The following SCN9A variants were observed in gnomAD, a reference collection of about 807,000 sequenced individuals.
The protein encoded by SCN9A is sodium voltage-gated channel alpha subunit 9.
A neutral mutation model predicts 187.0 loss-of-function variants in SCN9A; 131 were observed. That is an observed-to-expected ratio of 0.70 (90% CI 0.61 to 0.81). The LOEUF is 0.81. Ranked by LOEUF, SCN9A falls within the 30% of genes least tolerant of loss-of-function variation. The probability of loss-of-function intolerance (pLI) is 0.00; values close to 1 mark genes in which losing one functional copy is unlikely to be tolerated. For synonymous variants in SCN9A, 809 were observed against 808.6 expected (o/e 1.00, Z -0.01); for missense variants, 2,252 against 2,396.6 (o/e 0.94, Z 1.26).
intron 1 of SCN9A, among the ~76,000 whole-genome samples, chr2:166,320,697 A>T (rs1699216725): frequency 6.6e-6 from 1 of 152,172 alleles, no homozygotes; most frequent in South Asian, 2.1e-4. Flanking sequence ...GCATTACATG[A>T]TACTTAATAC....
chr2:166,291,357 A>G (rs1381896401), intron 9 of SCN9A, among the ~76,000 whole-genome samples: 1 of 152,150 alleles, frequency 6.6e-6, no homozygotes. Flanking sequence ...ATACCTAGGA[A>G]TACAGCTTAC....
chr2:166,282,511 A>T (rs114795891), intron 12 of SCN9A, among the ~76,000 whole-genome samples: 2,900 of 150,494 alleles, frequency 0.019, 114 homozygotes, highest in Admixed American at 0.1. Flanking sequence ...TTATTTTTAA[A>T]ACTTGGAAAC....
At chr2:166,337,339 C>T (rs1233475362) in intron 1 of SCN9A, among the ~76,000 whole-genome samples, 3 of 151,944 alleles carry the variant, frequency 2.0e-5, no homozygotes. Flanking sequence ...TTTTGGACAT[C>T]CTGTGTTTGA....
intron 20 of SCN9A, among the ~76,000 whole-genome samples, chr2:166,235,677 A>C (rs1438804280): frequency 6.7e-6 from 1 of 149,842 alleles, no homozygotes; most frequent in Non-Finnish European, 1.5e-5. Context: ...TATACTTTTC[A>C]GAAAAAAAAA....
chr2:166,305,950 A>T, intron 4 of SCN9A, 30 bp from the exon 5 acceptor site: 1 of 1,609,358 alleles, frequency 6.2e-7, no homozygotes, highest in Non-Finnish European at 8.5e-7. Context: ...GGGATACTAG[A>T]TGTGAAAAGA....
intron 14 of SCN9A, among the ~76,000 whole-genome samples, chr2:166,279,884 G>A (rs570735495): frequency 5.8e-4 from 88 of 151,984 alleles, no homozygotes; most frequent in Admixed American, 1.8e-3. Flanking sequence ...ATTTGTCCAA[G>A]GGCATATCAC....
chr2:166,280,859 C>T (rs1697453391), intron 13 of SCN9A, among the ~76,000 whole-genome samples: 1 of 152,130 alleles, frequency 6.6e-6, no homozygotes, highest in African/African-American at 2.4e-5. Context: ...GAGAAAAATG[C>T]ACCTAACATG....
rs1352914328 is a variant in SCN9A, at chr2:166,238,271, T to A, written c.3628-4A>T. On this transcript the variant is annotated splice_polypyrimidine_tract_variant and splice_region_variant and intron_variant, in intron 19 of 26. Coordinates refer to ENST00000642356, the MANE Select transcript of SCN9A (RefSeq NM_001365536.1). ...CAATATAAATATCTTCAAAAGCCTG[T>A]GGAAATAATATTCAAGTTTCAATCA... 6.5e-7 allele frequency: 1 copy of A among 1,532,452 alleles called. No homozygotes were observed. The highest frequency in any genetic ancestry group is 8.8e-7 in the Non-Finnish European group (1 of 1,137,766). 94.9% of individuals were successfully genotyped at this position (1,532,452 alleles called of 1,614,324 possible).
At chr2:166,201,356 G>A (rs530047007) in intron 26 of SCN9A, among the ~76,000 whole-genome samples, 7 of 147,084 alleles carry the variant, frequency 4.8e-5, no homozygotes, top group African/African-American at 1.7e-4. Context: ...TGTATATATA[G>A]CATATAGTAT....
At position 166,293,275 on chromosome 2, in the gene SCN9A, A is replaced by G; in HGVS notation, c.1063T>C (p.Phe355Leu). 1 of 1,595,824 alleles carries G rather than the reference A, an allele frequency of 6.3e-7. No individual in the cohort carries two copies. The highest frequency in any genetic ancestry group is 8.5e-7 in the Non-Finnish European group (1 of 1,169,924). ...CAGTAATCTTGGGTCATTAGCCTAA[A>G]CAAGGCTAAGAAGGCCCAGCTGAAA... is the stretch of plus-strand genomic sequence containing the variant. ...DTFSWAFLAL[F>L]RLMTQDYWEN... is the part of the protein sequence containing the mutation. The change falls in exon 9 of 27, where the codon TTT becomes CTT. Residue 355 changes from phenylalanine to leucine, a missense_variant. Around this residue, in one of 7 missense-constraint regions of SCN9A, gnomAD observed 1,013 missense variants for 997.4 expected, o/e 1.02. Coordinates refer to ENST00000642356, the MANE Select transcript of SCN9A (RefSeq NM_001365536.1).
intron 24 of SCN9A, among the ~76,000 whole-genome samples, chr2:166,217,742 G>A (rs1447232473): frequency 1.3e-5 from 2 of 152,058 alleles, no homozygotes; most frequent in Non-Finnish European, 2.9e-5. Flanking sequence ...GGAGAAATAG[G>A]AACCCTTATA....
chr2:166,259,101 G>C (rs1235937344), intron 17 of SCN9A: 6 of 151,690 alleles, frequency 4.0e-5, no homozygotes, highest in Non-Finnish European at 8.9e-5. Context: ...TTGAACAACT[G>C]TATATGTTTC....
rs199787949 is a variant in SCN9A at position 166,277,256 on chromosome 2, A to T, written c.2601T>A (p.Gly867=). The change falls in exon 16 of 27, where the codon GGT becomes GGA. Residue 867 remains glycine, a synonymous_variant. Transcript: ENST00000642356. ...TGATGGCCAACACTAAGGTGAGGTT[A>T]CCTAGAGCCCCTACTGAGTTACCAA... The part of the protein sequence containing the change: ...KIIGNSVGAL[G]NLTLVLAIIV... The T allele has an allele frequency of 1.0e-4, 165 of 1,614,098 alleles. No individual in the cohort carries two copies. The South Asian group carries it at 1.8e-3, about 18-fold the overall frequency.
rs931624837 is a variant in SCN9A at position 166,271,274 on chromosome 2, T to C, written c.3351+1125A>G. Reference sequence around the variant, plus strand: ...TGAAATAAATAACATTTTGAGAACATTGAGTATGGTTCTAAACATTTTACA... The same window carrying C: ...TGAAATAAATAACATTTTGAGAACACTGAGTATGGTTCTAAACATTTTACA... On this transcript the variant is annotated intron_variant, in intron 17 of 26. Coordinates refer to ENST00000642356, the MANE Select transcript of SCN9A (RefSeq NM_001365536.1). Among the ~76,000 whole-genome samples the C allele has an allele frequency of 1.2e-4, 18 of 152,120 alleles. 1 individual carries two copies. Among genetic ancestry groups the C allele is most frequent in the Admixed American group, 1.1e-3 (17 of 15,254 alleles).
intron 24 of SCN9A, among the ~76,000 whole-genome samples, chr2:166,224,857 G>A (rs1314635439): frequency 1.6e-4 from 24 of 152,062 alleles, no homozygotes; most frequent in Admixed American, 1.5e-3. Flanking sequence ...TAGCTGTCAG[G>A]CCATGTGCAA....
chr2:166,342,245 A>C (rs761013330), intron 1 of SCN9A, among the ~76,000 whole-genome samples: 56 of 152,182 alleles, frequency 3.7e-4, no homozygotes, highest in Non-Finnish European at 1.6e-4. Context: ...GGCTATTTAA[A>C]GTTTGTACAA....
At chr2:166,351,859 A>G (rs767265990) in intron 1 of SCN9A, among the ~76,000 whole-genome samples, 4 of 152,328 alleles carry the variant, frequency 2.6e-5, no homozygotes, top group Middle Eastern at 3.4e-3. Flanking sequence ...GCTCATCATC[A>G]TCAACCTGAT....
intron 26 of SCN9A, among the ~76,000 whole-genome samples, chr2:166,200,788 A>G (rs1693472263): frequency 6.6e-6 from 1 of 152,152 alleles, no homozygotes; most frequent in South Asian, 2.1e-4. Context: ...GGCATGCGCC[A>G]CCACACCTGG....
In SCN9A at chr2:166,306,267, A is replaced by G. The variant is rs191351429; in HGVS notation, c.467+243T>C. 2.6e-5 allele frequency among the ~76,000 whole-genome samples: 4 copies of G among 152,296 alleles called. No homozygotes were observed. The East Asian group carries it at 5.8e-4, about 22-fold the overall frequency. On this transcript the variant is annotated intron_variant, in intron 4 of 26. Coordinates refer to ENST00000642356, the MANE Select transcript of SCN9A (RefSeq NM_001365536.1). ...CACCCAAGAATAAAATATGTGTAAC[A>G]TGTCTAAGAACAGGATGGAGCATCT...
Sources: gnomAD v4.1 joint callset for allele counts (sites outside exome capture counted in the v4.1 genomes callset) on GRCh38, gnomAD v4.1.1 for gene constraint, gnomAD v4.1.1 regional missense constraint, MANE v1.5 for transcripts, NCBI Gene and HGNC (gene_info 2026-07-23, HGNC 2026-07-21) for gene names.